Variants in RUVBL1 observed in about 807,000 individuals in gnomAD.
RUVBL1 encodes the protein ruvB-like 1.
Under a neutral mutation model 52.4 loss-of-function variants are expected in RUVBL1, and 4 were observed. That is an observed-to-expected ratio of 0.08 (90% CI 0.04 to 0.17). The LOEUF (loss-of-function observed/expected upper bound fraction) is 0.17. Among genes scored for constraint, RUVBL1 ranks in the 10% least tolerant of loss-of-function variants. The pLI, the probability that RUVBL1 is intolerant of heterozygous loss-of-function variation, is 1.00. For missense variants in RUVBL1, 298 were observed against 572.8 expected, an observed-to-expected ratio of 0.52 and a Z score of 4.90; for synonymous variants, 217 against 214.4, an observed-to-expected ratio of 1.01 and a Z score of -0.10.
chr3:128,072,972 TC>T (rs1466582537), intron 9 of RUVBL1, among the ~76,000 whole-genome samples: 1 of 152,124 alleles, frequency 6.6e-6, no homozygotes, highest in Non-Finnish European at 1.5e-5. Context: ...CCCAGCCACT[TC>T]CTACATGTGC....
rs1387209840 is a variant in RUVBL1, at chr3:128,082,053, C to T, written c.1211+430G>A. The T allele has an allele frequency of 1.1e-5, 2 of 176,626 alleles. No individual in the cohort carries two copies. The highest frequency in any genetic ancestry group is 2.4e-5 in the Non-Finnish European group (2 of 81,962). 10.9% of individuals were successfully genotyped at this position (176,626 alleles called of 1,614,324 possible). A position where few individuals can be genotyped will look rare whatever the true frequency, so the allele number is the denominator to read the frequency against. ...GCGCTCCTCCCTGGCTCTCCATATC[C>T]ACCACCCAGACATTTTTTATTTGCT... On this transcript the variant is annotated intron_variant, in intron 10 of 10. Coordinates refer to ENST00000322623, the MANE Select transcript of RUVBL1 (RefSeq NM_003707.3). The surrounding 1 kb of genome is among the most constrained non-coding windows in gnomAD (Gnocchi z 4.7).
chr3:128,153,569 C>T (rs1944294573), exon 1 of RUVBL1: 2 of 1,541,102 alleles, frequency 1.3e-6, no homozygotes, highest in Non-Finnish European at 1.7e-6. Flanking sequence ...AGCGGCAAGA[C>T]GGCGCTGGCG....
intron 8 of RUVBL1, among the ~76,000 whole-genome samples, chr3:128,090,737 A>G (rs1942812927): frequency 6.6e-6 from 1 of 152,204 alleles, no homozygotes; most frequent in Non-Finnish European, 1.5e-5. Flanking sequence ...TTTTAAAACT[A>G]CATTTAATTT....
chr3:128,153,685 C>T (rs1305998788), exon 1 of RUVBL1: 1 of 1,593,090 alleles, frequency 6.3e-7, no homozygotes, highest in South Asian at 1.1e-5. Flanking sequence ...CTCGGTGCCG[C>T]TGCCCGCGCG....
chr3:128,112,634 T>A (rs1943422053), intron 3 of RUVBL1, among the ~76,000 whole-genome samples: 1 of 152,200 alleles, frequency 6.6e-6, no homozygotes, highest in Non-Finnish European at 1.5e-5. Flanking sequence ...AAAACACTTT[T>A]AGACACATCT....
intron 8 of RUVBL1, among the ~76,000 whole-genome samples, chr3:128,095,022 C>T (rs1010561752): frequency 6.6e-6 from 1 of 152,222 alleles, no homozygotes; most frequent in African/African-American, 2.4e-5. Context: ...TGAGTGTCTT[C>T]CTTCCACTTG....
At position 128,082,692 on chromosome 3, in the gene RUVBL1, C is replaced by A. The variant is rs1942516218; in HGVS notation, c.1120-118G>T. 2.3e-6 allele frequency: 2 copies of A among 863,018 alleles called. No individual in the cohort carries two copies. The highest frequency in any genetic ancestry group is 2.7e-5 in the East Asian group (1 of 36,830). The allele number at this position is 863,018 out of a possible 1,614,324, so 53.5% of individuals were successfully genotyped here. A position where few individuals can be genotyped will look rare whatever the true frequency, so the allele number is the denominator to read the frequency against. ...CTGTGCAGCATAAGAGAAACTGAGA[C>A]CTGGGTTGGTGGGCAGGGAGCCAAC... is the stretch of plus-strand genomic sequence containing the variant. On this transcript the variant is annotated intron_variant, in intron 9 of 10. Transcript: ENST00000322623. This position sits in a 1 kb window ranked among gnomAD's most constrained non-coding sequence, Gnocchi z 4.7.
At position 128,142,161 on chromosome 3, in the gene RUVBL1, T is replaced by C. The variant is rs573594499; in HGVS notation, c.-40+11042A>G. Reference sequence around the variant, plus strand: ...TTTCAGCAGGCACGTCCCAACGCAATGGGTAAACCTGGCCACATCCGCTGA... The same window carrying C: ...TTTCAGCAGGCACGTCCCAACGCAACGGGTAAACCTGGCCACATCCGCTGA... On this transcript the variant is annotated intron_variant, in intron 1 of 9. Coordinates refer to the RUVBL1 transcript ENST00000464873. Among the ~76,000 whole-genome samples the C allele has an allele frequency of 1.1e-4, 17 of 152,298 alleles. No homozygotes were observed. The South Asian group carries it at 3.5e-3, about 32-fold the overall frequency.
At chr3:128,077,237 G>A (rs754706961), downstream of RUVBL1, among the ~76,000 whole-genome samples, 4 of 152,062 alleles carry the variant, frequency 2.6e-5, no homozygotes. Context: ...GGGACGACAG[G>A]CAGCCCCCGT....
At chr3:128,103,283 C>T (rs1174626033) in intron 4 of RUVBL1, among the ~76,000 whole-genome samples, 3 of 152,108 alleles carry the variant, frequency 2.0e-5, no homozygotes, top group Admixed American at 2.0e-4. Context: ...ATTTTTATAT[C>T]GGTTAATTTC....
intron 1 of RUVBL1, among the ~76,000 whole-genome samples, chr3:128,131,484 C>A (rs1210463678): frequency 6.6e-6 from 1 of 151,544 alleles, no homozygotes; most frequent in Non-Finnish European, 1.5e-5. Flanking sequence ...TCTCAAAAAA[C>A]AAAACAAAAC....
intron 6 of RUVBL1, 67 bp downstream of exon 6, chr3:128,100,528 A>C (rs1943087348): frequency 1.3e-6 from 2 of 1,511,816 alleles, no homozygotes; most frequent in African/African-American, 2.8e-5. Flanking sequence ...CTGACAATTC[A>C]TTCCCAGATC....
chr3:128,114,109 T>G (rs187370594), intron 2 of RUVBL1, among the ~76,000 whole-genome samples: 83 of 152,326 alleles, frequency 5.4e-4, no homozygotes, highest in African/African-American at 2.0e-3. Flanking sequence ...ATGTCAAGTA[T>G]GGCAAGCAAA....
At chr3:128,094,824 A>G (rs1942933250) in intron 8 of RUVBL1, among the ~76,000 whole-genome samples, 1 of 152,130 alleles carries the variant, frequency 6.6e-6, no homozygotes, top group Admixed American at 6.5e-5. Flanking sequence ...GTTCCCCTCT[A>G]GGGGTGGAGT....
At chr3:128,147,860 G>C (rs1184573560) in intron 1 of RUVBL1, among the ~76,000 whole-genome samples, 2 of 152,186 alleles carry the variant, frequency 1.3e-5, no homozygotes, top group Non-Finnish European at 2.9e-5. Context: ...TTCAACAGGT[G>C]ACTGGGCAAC....
chr3:128,137,444 G>A (rs1336510872), intron 1 of RUVBL1, among the ~76,000 whole-genome samples: 1 of 152,102 alleles, frequency 6.6e-6, no homozygotes, highest in African/African-American at 2.4e-5. Flanking sequence ...AAACCTAGAA[G>A]AATAGATAAG....
rs531311991 is a variant in RUVBL1, at chr3:128,101,461, A to G, written c.603+98T>C. 29 of 1,111,008 alleles carry G rather than the reference A, an allele frequency of 2.6e-5. No homozygotes were observed. The East Asian group carries it at 6.9e-4, about 26-fold the overall frequency. 68.8% of individuals were successfully genotyped at this position (1,111,008 alleles called of 1,614,324 possible). ...ATAACAGACACCAGCCCCTCCCCAC[A>G]CACCCCACACCCTCTGAAGAAAGCA... is the stretch of plus-strand genomic sequence containing the variant. On this transcript the variant is annotated intron_variant, in intron 5 of 10. Transcript: ENST00000322623.
chr3:128,104,733 G>C (rs1576460883), intron 4 of RUVBL1, 40 bp downstream of exon 4: 12 of 1,566,958 alleles, frequency 7.7e-6, no homozygotes, highest in Non-Finnish European at 1.0e-5. Flanking sequence ...ACACAGTGCT[G>C]GGAGAGTCAA....
intron 1 of RUVBL1, among the ~76,000 whole-genome samples, chr3:128,148,167 T>C (rs1388698501): frequency 6.6e-6 from 1 of 151,930 alleles, no homozygotes. Flanking sequence ...TTGATTGTGA[T>C]GGTGATTACC....
Sources: gnomAD v4.1 joint callset for allele counts (sites outside exome capture counted in the v4.1 genomes callset) on GRCh38, gnomAD v4.1.1 for gene constraint, Gnocchi (gnomAD v3.1) non-coding constraint, MANE v1.5 for transcripts, NCBI Gene and HGNC (gene_info 2026-07-23, HGNC 2026-07-21) for gene names.